Variants in ADGRB1 observed in about 807,000 individuals in gnomAD.
ADGRB1 encodes brain-specific angiogenesis inhibitor 1.
Under a neutral mutation model 175.7 loss-of-function variants are expected in ADGRB1, and 36 were observed. The observed-to-expected ratio is 0.20, with a 90% CI of 0.16 to 0.27. The LOEUF (loss-of-function observed/expected upper bound fraction) is 0.27. ADGRB1 is among the 10% of genes least tolerant of loss of function. ADGRB1 has a pLI of 1.00. For missense variants in ADGRB1, 1,731 were observed against 2,255.3 expected (o/e 0.77, Z 4.71); for synonymous variants, 1,054 against 979.4 (o/e 1.08, Z -1.42).
At position 142,542,853 on chromosome 8, in the gene ADGRB1, C is replaced by A. The variant is rs1845363437; in HGVS notation, c.4413+206C>A. ...CCCTAGGCTTGGCAGGGTGGTCTCA[C>A]CCCGTTTCAAAGGGGCTCAGGGACC... is the stretch of plus-strand genomic sequence containing the variant. On this transcript the variant is annotated intron_variant, in intron 28 of 30. Transcript: ENST00000517894. This position sits in a 1 kb window ranked among gnomAD's most constrained non-coding sequence, Gnocchi z 6.3. 6.6e-6 allele frequency among the ~76,000 whole-genome samples: 1 copy of A among 152,178 alleles called. No homozygotes were observed. The highest frequency in any genetic ancestry group is 6.5e-5 in the Admixed American group (1 of 15,290).
chr8:142,477,290 C>A lies in ADGRB1; in HGVS notation c.1222+12C>A, dbSNP rs1244882486. ...TGCCGTGTGCCCAGGTGGGTGGGACCTTGGGCTGGGGCAGCGGACAGCCAG... is the reference window on the plus strand; with the variant it reads ...TGCCGTGTGCCCAGGTGGGTGGGACATTGGGCTGGGGCAGCGGACAGCCAG... On this transcript the variant is annotated intron_variant, in intron 5 of 30. Transcript: ENST00000517894. The A allele has an allele frequency of 1.3e-6, 2 of 1,513,084 alleles. No individual in the cohort carries two copies. The highest frequency in any genetic ancestry group is 1.8e-6 in the Non-Finnish European group (2 of 1,115,830). 93.7% of individuals were successfully genotyped at this position (1,513,084 alleles called of 1,614,324 possible).
chr8:142,536,076 G>A (rs558003475), intron 25 of ADGRB1, among the ~76,000 whole-genome samples: 3 of 152,230 alleles, frequency 2.0e-5, no homozygotes, highest in African/African-American at 7.2e-5. Flanking sequence ...AGGGAACAGG[G>A]CCACAGGTCT....
intron 7 of ADGRB1, 87 bp from the exon 8 acceptor site, chr8:142,479,236 T>C: frequency 5.1e-6 from 7 of 1,362,408 alleles, no homozygotes; most frequent in Non-Finnish European, 6.6e-6. Context: ...TCTGTGTGGG[T>C]CCCTGTCTTT....
chr8:142,533,487 C>G, intron 25 of ADGRB1, 21 bp downstream of exon 25: 14 of 1,574,424 alleles, frequency 8.9e-6, no homozygotes, highest in Non-Finnish European at 1.1e-5. Context: ...CAGCCTCTGT[C>G]GGGCCGGGCT....
rs1458688882 is a variant in ADGRB1, at chr8:142,511,614, CG to C, written c.2817+545del. On this transcript the variant is annotated intron_variant, in intron 18 of 30. Transcript: ENST00000517894. The surrounding 1 kb of genome is among the most constrained non-coding windows in gnomAD (Gnocchi z 4.5). ...CACCGCCCCCCAGGCCTCAGCACCT[CG>C]GGGCTTCCTTTTTGTTCCTGTGATT... is the stretch of plus-strand genomic sequence containing the variant. Among the ~76,000 whole-genome samples the C allele has an allele frequency of 2.0e-5, 3 of 152,196 alleles. No individual in the cohort carries two copies. Among genetic ancestry groups the C allele is most frequent in the African/African-American group, 7.2e-5 (3 of 41,458 alleles).
intron 17 of ADGRB1, among the ~76,000 whole-genome samples, chr8:142,501,657 GT>G (rs1842554675): frequency 7.2e-6 from 1 of 139,280 alleles, no homozygotes; most frequent in Non-Finnish European, 1.6e-5. Context: ...TGATGATGGG[GT>G]GGTGGTAGTG....
intron 14 of ADGRB1, 86 bp downstream of exon 14, chr8:142,488,593 T>A: frequency 6.5e-7 from 1 of 1,534,752 alleles, no homozygotes; most frequent in Non-Finnish European, 8.8e-7. Context: ...GGAGTCTAGC[T>A]GCTGCCTCAG....
Position 142,493,276 on chromosome 8 carries a change from G to C in ADGRB1, c.2675+2461G>C, listed in dbSNP as rs757355293. 1.6e-4 allele frequency among the ~76,000 whole-genome samples: 24 copies of C among 152,064 alleles called. No individual in the cohort carries two copies. Among genetic ancestry groups the C allele is most frequent in the Non-Finnish European group, 3.1e-4 (21 of 68,006 alleles). ...ACTGTGGCCGAAGAGGACATGCTGC[G>C]TGGCCTTGGGCAGAGCCTGTGCCCT... On this transcript the variant is annotated intron_variant, in intron 17 of 30. Coordinates refer to ENST00000517894, the MANE Select transcript of ADGRB1 (RefSeq NM_001702.3). This position sits in a 1 kb window ranked among gnomAD's most constrained non-coding sequence, Gnocchi z 5.0.
intron 25 of ADGRB1, among the ~76,000 whole-genome samples, chr8:142,534,590 C>G (rs1325849676): frequency 6.6e-6 from 1 of 152,192 alleles, no homozygotes; most frequent in Non-Finnish European, 1.5e-5. Flanking sequence ...AGCCAGAGTT[C>G]TGATGTCCAG....
chr8:142,539,158 A>G (rs1382388404), intron 26 of ADGRB1, among the ~76,000 whole-genome samples: 1 of 152,046 alleles, frequency 6.6e-6, no homozygotes, highest in Non-Finnish European at 1.5e-5. Flanking sequence ...GCACGCATAC[A>G]CTCACACACG....
chr8:142,451,998 C>T (rs949939051), intron 1 of ADGRB1, among the ~76,000 whole-genome samples: 2 of 152,146 alleles, frequency 1.3e-5, no homozygotes, highest in African/African-American at 2.4e-5. Context: ...CCTGGGCGCG[C>T]CCCCGTCCGC....
chr8:142,460,290 G>A (rs1043720449), intron 1 of ADGRB1, among the ~76,000 whole-genome samples: 4 of 152,218 alleles, frequency 2.6e-5, no homozygotes, highest in South Asian at 2.1e-4. Context: ...GGGGAGGCCC[G>A]TGCCCACTGG....
chr8:142,528,190 C>A (rs1320998039), intron 24 of ADGRB1, among the ~76,000 whole-genome samples: 3 of 152,260 alleles, frequency 2.0e-5, no homozygotes, highest in Non-Finnish European at 4.4e-5. Flanking sequence ...GAGGTCCCTG[C>A]CCAGGTCAGC....
In ADGRB1 at chr8:142,469,705, G is replaced by T. The variant is rs568448157; in HGVS notation, c.784+4723G>T. Among the ~76,000 whole-genome samples the T allele has an allele frequency of 1.2e-4, 18 of 152,014 alleles. No homozygotes were observed. In the East Asian group the frequency reaches 3.3e-3, roughly 28 times the overall value. On this transcript the variant is annotated intron_variant, in intron 2 of 30. Transcript: ENST00000517894. The stretch of plus-strand genomic sequence containing the variant: ...TGTGTGTGAATGTGTGCGTGCCTGT[G>T]TGTGAATGTGAGTGCATGCACATGC...
intron 18 of ADGRB1, among the ~76,000 whole-genome samples, chr8:142,514,173 G>T (rs938676365): frequency 6.6e-6 from 1 of 152,104 alleles, no homozygotes; most frequent in Non-Finnish European, 1.5e-5. Flanking sequence ...GTGGCTTCGG[G>T]GGTTCAGAGT....
At chr8:142,481,791 C>G in intron 11 of ADGRB1, 80 bp downstream of exon 11, 1 of 1,278,504 alleles carries the variant, frequency 7.8e-7, no homozygotes, top group Non-Finnish European at 1.1e-6. Flanking sequence ...GAGATGGATC[C>G]CCAACCCTGG....
At position 142,477,399 on chromosome 8, in the gene ADGRB1, G is replaced by A. The variant is rs573405542; in HGVS notation, c.1237G>A (p.Asp413Asn). 8.1e-6 allele frequency: 13 copies of A among 1,608,894 alleles called. No homozygotes were observed. The highest frequency in any genetic ancestry group is 1.0e-5 in the Non-Finnish European group (12 of 1,179,706). The change falls in exon 6 of 31, where the codon GAT becomes AAT. Residue 413 changes from aspartate (D) to asparagine (N), a missense_variant. Asp to Asn is a conservative substitution (Grantham distance 23). Transcript: ENST00000517894. ...TCCCTCTGCAGTGCATGGTGCCTGG[G>A]ATGAGTGGTCGCCCTGGAGCCTCTG... is the stretch of plus-strand genomic sequence containing the variant. ...SAVCPVHGAW[D>N]EWSPWSLCSS...
chr8:142,486,467 T>C (rs988784252), intron 13 of ADGRB1, among the ~76,000 whole-genome samples: 7 of 152,142 alleles, frequency 4.6e-5, no homozygotes, highest in Non-Finnish European at 8.8e-5. Context: ...TCAATATTCA[T>C]CTCGGCACAA....
rs889328029 is a variant in ADGRB1 at position 142,492,948 on chromosome 8, G to C, written c.2675+2133G>C. On this transcript the variant is annotated intron_variant, in intron 17 of 30. Transcript: ENST00000517894. This position sits in a 1 kb window ranked among gnomAD's most constrained non-coding sequence, Gnocchi z 4.4. ...CTGTTCGCCGGCCGCGGCAGCTCTC[G>C]GGGGGCTGCGCCCTGGTTCACTCAA... Among the ~76,000 whole-genome samples, 1 of 152,024 alleles carries C rather than the reference G, an allele frequency of 6.6e-6. No homozygotes were observed. Among genetic ancestry groups the C allele is most frequent in the Non-Finnish European group, 1.5e-5 (1 of 67,980 alleles).
Sources: gnomAD v4.1 joint callset for allele counts (sites outside exome capture counted in the v4.1 genomes callset) on GRCh38, gnomAD v4.1.1 for gene constraint, Gnocchi (gnomAD v3.1) non-coding constraint, MANE v1.5 for transcripts, NCBI Gene and HGNC (gene_info 2026-07-23, HGNC 2026-07-21) for gene names.